The following MALRD1 variants were observed in gnomAD, a reference collection of about 807,000 sequenced individuals.
MALRD1 encodes MAM and LDL receptor class A domain containing 1.
Under a neutral mutation model 242.1 loss-of-function variants are expected in MALRD1, and 247 were observed. That is an observed-to-expected ratio of 1.02 (90% confidence interval 0.92 to 1.13). The LOEUF is 1.13. MALRD1 is among the 50% of genes most tolerant of loss of function. MALRD1 has a pLI of 0.00. For synonymous variants in MALRD1, 995 were observed against 866.6 expected, an observed-to-expected ratio of 1.15 and a Z score of -2.60; for missense variants, 2,989 against 2,533.1, an observed-to-expected ratio of 1.18 and a Z score of -3.86.
At chr10:19,289,028 A>G (rs1052624164) in intron 21 of MALRD1, among the ~76,000 whole-genome samples, 1 of 151,696 alleles carries the variant, frequency 6.6e-6, no homozygotes, top group Non-Finnish European at 1.5e-5. Flanking sequence ...CCAGTTTTTT[A>G]TTTAATATGT....
At chr10:19,701,370 A>T (rs1253461065) in intron 38 of MALRD1, among the ~76,000 whole-genome samples, 1 of 152,070 alleles carries the variant, frequency 6.6e-6, no homozygotes, top group African/African-American at 2.4e-5. Flanking sequence ...GTTCTGGGGA[A>T]TCATTTTGCA....
intron 29 of MALRD1, among the ~76,000 whole-genome samples, chr10:19,479,791 C>T (rs939212788): frequency 1.4e-4 from 21 of 152,282 alleles, no homozygotes; most frequent in Non-Finnish European, 2.6e-4. Flanking sequence ...TACTCAGGGA[C>T]CCAGGCCTTC....
At chr10:19,060,246 G>T (rs184148287) in intron 1 of MALRD1, among the ~76,000 whole-genome samples, 49 of 150,536 alleles carry the variant, frequency 3.3e-4, no homozygotes, top group African/African-American at 9.7e-4. Context: ...TTTTATGTAC[G>T]TTATCTTACA....
chr10:19,675,312 T>C (rs1384439676), intron 36 of MALRD1, among the ~76,000 whole-genome samples: 3 of 152,162 alleles, frequency 2.0e-5, no homozygotes, highest in Admixed American at 6.5e-5. Context: ...TTCACTAATA[T>C]TCACATTGTA....
At chr10:19,232,357 T>A (rs1010068100) in intron 18 of MALRD1, among the ~76,000 whole-genome samples, 1 of 147,446 alleles carries the variant, frequency 6.8e-6, no homozygotes, top group Middle Eastern at 3.3e-3. Context: ...TTTTTTTTTT[T>A]AGTAGAGATG....
At chr10:19,296,024 A>G (rs952389109) in intron 21 of MALRD1, among the ~76,000 whole-genome samples, 1 of 152,112 alleles carries the variant, frequency 6.6e-6, no homozygotes, top group Admixed American at 6.6e-5. Context: ...GTTGAAACAT[A>G]CTGATACCCA....
intron 21 of MALRD1, chr10:19,290,499 A>C (rs530816352): frequency 2.6e-5 from 4 of 152,354 alleles, no homozygotes; most frequent in African/African-American, 9.6e-5. Context: ...AGTAAAAATC[A>C]TTCAATGACA....
At chr10:19,730,537 A>G in intron 38 of MALRD1, 169 bp from the exon 39 acceptor site, 1 of 758,282 alleles carries the variant, frequency 1.3e-6, no homozygotes, top group Non-Finnish European at 2.2e-6. Flanking sequence ...GGTGTCCTGC[A>G]AAAAATAAAA....
At chr10:19,460,578 C>T (rs566933317) in intron 29 of MALRD1, among the ~76,000 whole-genome samples, 1 of 152,036 alleles carries the variant, frequency 6.6e-6, no homozygotes, top group East Asian at 1.9e-4. Flanking sequence ...AATCTAGTTA[C>T]CCAGCACTAA....
intron 4 of MALRD1, among the ~76,000 whole-genome samples, chr10:19,096,377 C>T (rs1353853912): frequency 6.6e-6 from 1 of 152,122 alleles, no homozygotes; most frequent in Admixed American, 6.5e-5. Context: ...AAAGCAGATA[C>T]GTGTGCAATA....
intron 30 of MALRD1, among the ~76,000 whole-genome samples, chr10:19,492,862 C>G (rs893117272): frequency 6.6e-6 from 1 of 152,122 alleles, no homozygotes; most frequent in African/African-American, 2.4e-5. Context: ...CAAACTACCA[C>G]ACAAGCATAT....
chr10:19,203,679 T>C (rs1836653162), intron 14 of MALRD1, 49 bp from the exon 15 acceptor site: 8 of 1,474,144 alleles, frequency 5.4e-6, no homozygotes, highest in African/African-American at 1.4e-5. Context: ...TTTCAAAGTG[T>C]GGGAGCAGTT....
At position 19,155,077 on chromosome 10, in the gene MALRD1, T is replaced by A; in HGVS notation, c.1561T>A (p.Ser521Thr). ...TGACTTTCCCTTTGTTTTTTCAGGATCGTTTATTTATTTGGAGGCACAGCG... is the reference window on the plus strand; with the variant it reads ...TGACTTTCCCTTTGTTTTTTCAGGAACGTTTATTTATTTGGAGGCACAGCG... ...ADHTANINHG[S>T]FIYLEAQRSP... The change falls in exon 12 of 40, where the codon TCG becomes ACG. Residue 521 changes from serine (S) to threonine (T), a missense_variant and splice_region_variant. Physicochemically the swap from Ser to Thr is moderately conservative, Grantham distance 58 (BLOSUM62 1). Transcript: ENST00000454679. The A allele has an allele frequency of 1.6e-6, 2 of 1,231,280 alleles. No individual in the cohort carries two copies. The highest frequency in any genetic ancestry group is 4.1e-5 in the South Asian group (1 of 24,298). The allele number at this position is 1,231,280 out of a possible 1,614,324, so 76.3% of individuals were successfully genotyped here.
chr10:19,391,809 G>A (rs11009720), intron 28 of MALRD1, among the ~76,000 whole-genome samples: 25 of 152,308 alleles, frequency 1.6e-4, no homozygotes, highest in African/African-American at 6.0e-4. Flanking sequence ...AAAGTCTTGA[G>A]AGCAAGGCAC....
At chr10:19,283,296 A>G (rs1396549709) in intron 21 of MALRD1, 115 bp downstream of exon 21, 8 of 886,804 alleles carry the variant, frequency 9.0e-6, no homozygotes, top group Non-Finnish European at 1.2e-5. Flanking sequence ...ACAAATGTTA[A>G]GTTGAAAAGG....
At chr10:19,485,029 T>G (rs529630485) in intron 29 of MALRD1, among the ~76,000 whole-genome samples, 2 of 152,256 alleles carry the variant, frequency 1.3e-5, no homozygotes, top group East Asian at 3.9e-4. Context: ...TGCAGCAACT[T>G]GGATGGAACT....
At chr10:19,587,597 T>G (rs1837503763) in intron 33 of MALRD1, among the ~76,000 whole-genome samples, 1 of 152,278 alleles carries the variant, frequency 6.6e-6, no homozygotes, top group African/African-American at 2.4e-5. Flanking sequence ...TGATGTAATT[T>G]TTATTCCTAT....
intron 36 of MALRD1, among the ~76,000 whole-genome samples, chr10:19,642,737 A>G (rs1162291258): frequency 3.3e-5 from 5 of 152,186 alleles, no homozygotes; most frequent in Non-Finnish European, 7.3e-5. Flanking sequence ...TGAAATTTGA[A>G]GTCCTTGATT....
intron 21 of MALRD1, among the ~76,000 whole-genome samples, chr10:19,285,821 T>C (rs1257785087): frequency 9.0e-6 from 1 of 110,930 alleles, no homozygotes; most frequent in African/African-American, 3.7e-5. Context: ...GGGATGGCAT[T>C]GAATCTGTAA....
Sources: gnomAD v4.1 joint callset for allele counts (sites outside exome capture counted in the v4.1 genomes callset) on GRCh38, gnomAD v4.1.1 for gene constraint, MANE v1.5 for transcripts, NCBI Gene and HGNC (gene_info 2026-07-23, HGNC 2026-07-21) for gene names.